The following IRGM variants were observed in gnomAD, a reference collection of about 807,000 sequenced individuals.
The protein encoded by IRGM is immunity related GTPase M, also known as immunity-related GTPase family M protein.
For synonymous variants in IRGM, 98 were observed against 80.6 expected, an observed-to-expected ratio of 1.22 and a Z score of -1.16; for missense variants, 288 against 219.9, an observed-to-expected ratio of 1.31 and a Z score of -1.96.
chr5:150,884,309 C>G (rs1453958728), intron 3 of IRGM, among the ~76,000 whole-genome samples: 1 of 151,970 alleles, frequency 6.6e-6, no homozygotes, highest in African/African-American at 2.4e-5. Flanking sequence ...TTTTCTTTAT[C>G]CAATCTGTCA....
intron 3 of IRGM, among the ~76,000 whole-genome samples, chr5:150,886,070 A>T (rs1481626910): frequency 6.6e-6 from 1 of 152,094 alleles, no homozygotes; most frequent in African/African-American, 2.4e-5. Flanking sequence ...ATTTTGAGGT[A>T]TGTTTCTTCA....
rs763772711 is a variant in IRGM at position 150,848,598 on chromosome 5, G to A, written c.475G>A (p.Glu159Lys). The A allele has an allele frequency of 1.9e-6, 3 of 1,551,326 alleles. No homozygotes were observed. The highest frequency in any genetic ancestry group is 2.6e-6 in the Non-Finnish European group (3 of 1,146,640). The change falls in exon 2 of 2, where the codon GAA (glutamate) becomes AAA (lysine). Residue 159 changes from glutamate (E) to lysine (K), a missense_variant. Coordinates refer to ENST00000522154, the MANE Select transcript of IRGM (RefSeq NM_001145805.2). ...GGACCTCAGCACAGGTGCCCTCCCA[G>A]AAGTGCAGCTACTGCAGATCAGAGA... The part of the protein sequence containing the change: ...DMDLSTGALP[E>K]VQLLQIRENV...
chr5:150,870,392 A>G (rs554658954), intron 1 of IRGM, among the ~76,000 whole-genome samples: 115 of 152,232 alleles, frequency 7.6e-4, no homozygotes, highest in African/African-American at 2.6e-3. Context: ...AGCTTGAGCT[A>G]TCTTTATGGG....
At chr5:150,888,901 T>C (rs927815016) in intron 3 of IRGM, among the ~76,000 whole-genome samples, 3 of 152,080 alleles carry the variant, frequency 2.0e-5, no homozygotes, top group African/African-American at 7.2e-5. Flanking sequence ...ACATTGAGCC[T>C]TCCAACCAAT....
chr5:150,890,682 G>T (rs1754596058), intron 3 of IRGM, among the ~76,000 whole-genome samples: 2 of 152,004 alleles, frequency 1.3e-5, no homozygotes, highest in South Asian at 4.2e-4. Context: ...AGTTCAAAAT[G>T]CTTCATTTCC....
chr5:150,901,342 G>A (rs1027642431), downstream of IRGM, among the ~76,000 whole-genome samples: 22 of 151,960 alleles, frequency 1.4e-4, no homozygotes, highest in South Asian at 1.0e-3. Flanking sequence ...TCAAGATATC[G>A]TTTCAACATG....
chr5:150,848,732 T>A, downstream of IRGM: 2 of 1,211,678 alleles, frequency 1.7e-6, no homozygotes, highest in Non-Finnish European at 2.3e-6. Context: ...TTTATTTCAC[T>A]GGACTCATTG....
intron 1 of IRGM, among the ~76,000 whole-genome samples, chr5:150,876,632 A>G (rs1162508427): frequency 6.6e-6 from 1 of 152,170 alleles, no homozygotes; most frequent in Non-Finnish European, 1.5e-5. Flanking sequence ...TAGTTTTACC[A>G]TGCCCTGTGA....
intron 3 of IRGM, among the ~76,000 whole-genome samples, chr5:150,891,116 C>A (rs1754602995): frequency 6.6e-6 from 1 of 151,954 alleles, no homozygotes; most frequent in South Asian, 2.1e-4. Flanking sequence ...TGAAGCTCTG[C>A]TATTAAGTGC....
intron 3 of IRGM, chr5:150,895,698 A>C (rs868280625): frequency 6.2e-7 from 1 of 1,613,060 alleles, no homozygotes; most frequent in Non-Finnish European, 8.5e-7. Flanking sequence ...TCCTGTGTGA[A>C]TTCTCTGATG....
chr5:150,883,700 A>T (rs2113291252), intron 3 of IRGM, among the ~76,000 whole-genome samples: 1 of 152,136 alleles, frequency 6.6e-6, no homozygotes, highest in Middle Eastern at 3.4e-3. Flanking sequence ...GCAGAAATAT[A>T]AAATCTGAAA....
intron 3 of IRGM, among the ~76,000 whole-genome samples, chr5:150,891,685 A>C (rs1754612651): frequency 6.6e-6 from 1 of 152,122 alleles, no homozygotes; most frequent in African/African-American, 2.4e-5. Flanking sequence ...TTTTGCCAGC[A>C]GATGACCATG....
At chr5:150,887,658 G>GA (rs75460329) in intron 3 of IRGM, among the ~76,000 whole-genome samples, 16,885 of 88,436 alleles carry the variant, frequency 0.19, 1,244 homozygotes, top group East Asian at 0.41. Flanking sequence ...AGGTCAAAAT[G>GA]AAAAAAAAAA....
intron 1 of IRGM, among the ~76,000 whole-genome samples, chr5:150,863,940 T>G (rs1414321579): frequency 1.3e-5 from 2 of 152,196 alleles, no homozygotes; most frequent in African/African-American, 4.8e-5. Context: ...CCAAGCAGCC[T>G]GTCAAAGGCC....
chr5:150,893,931 G>C (rs1754663448), intron 3 of IRGM, among the ~76,000 whole-genome samples: 1 of 152,024 alleles, frequency 6.6e-6, no homozygotes, highest in South Asian at 2.1e-4. Context: ...GATGTGGGGG[G>C]AGTGATATCT....
At chr5:150,866,366 A>G (rs1200577161) in intron 1 of IRGM, among the ~76,000 whole-genome samples, 1 of 152,196 alleles carries the variant, frequency 6.6e-6, no homozygotes, top group Non-Finnish European at 1.5e-5. Flanking sequence ...TGCTTCCTCC[A>G]TGGCACTGGC....
chr5:150,869,712 G>T (rs866874841), intron 1 of IRGM, among the ~76,000 whole-genome samples: 14 of 152,098 alleles, frequency 9.2e-5, no homozygotes, highest in African/African-American at 3.1e-4. Flanking sequence ...TGTGAGGGTT[G>T]TATGTTAATA....
intron 3 of IRGM, among the ~76,000 whole-genome samples, chr5:150,886,263 G>T (rs1395881107): frequency 6.6e-6 from 1 of 152,020 alleles, no homozygotes; most frequent in African/African-American, 2.4e-5. Flanking sequence ...CTACTTGATC[G>T]TGGTGTATTG....
In IRGM at chr5:150,848,246, C is replaced by T. The variant is rs1753910185; in HGVS notation, c.123C>T (p.Asp41=). 3.2e-6 allele frequency: 5 copies of T among 1,551,794 alleles called. No individual in the cohort carries two copies. In the East Asian group the frequency reaches 1.2e-4, roughly 38 times the overall value. Residue 41 remains aspartate, a synonymous_variant, in exon 2 of 2, where the codon GAC becomes GAT. Coordinates refer to ENST00000522154, the MANE Select transcript of IRGM (RefSeq NM_001145805.2). The part of the protein sequence containing the change: ...RTPVNITMAG[D]SGNGMSTFIS... ...CAGTTAACATCACTATGGCAGGGGA[C>T]TCTGGCAATGGGATGTCCACCTTCA...
Sources: allele counts gnomAD v4.1 joint callset (sites outside exome capture counted in the v4.1 genomes callset), GRCh38; gene constraint gnomAD v4.1.1; transcripts MANE v1.5; gene names NCBI Gene and HGNC (gene_info 2026-07-23, HGNC 2026-07-21).